Variants in DYNC1H1 observed in about 807,000 individuals in gnomAD.
The protein encoded by DYNC1H1 is cytoplasmic dynein 1 heavy chain 1.
A neutral mutation model predicts 527.1 loss-of-function variants in DYNC1H1; 51 were observed. The ratio of observed to expected loss-of-function variants is 0.10; its 90% confidence interval spans 0.08 to 0.12. The LOEUF (loss-of-function observed/expected upper bound fraction) is 0.12. Ranked by LOEUF, DYNC1H1 falls within the 10% of genes least tolerant of loss-of-function variation. The pLI, the probability that DYNC1H1 is intolerant of heterozygous loss-of-function variation, is 1.00. For missense variants in DYNC1H1, 2,771 were observed against 5,971.8 expected (o/e 0.46, Z 17.66); for synonymous variants, 2,189 against 2,278.8 (o/e 0.96, Z 1.12).
At position 101,986,607 on chromosome 14, in the gene DYNC1H1, G is replaced by A. The variant is rs746999262; in HGVS notation, c.2382G>A (p.Lys794=). Reference sequence around the variant, plus strand: ...GTACCTATGAACGGACCTGCGAGAAGGTGGAGGAGCGGAACACCATTTCCC... The same window carrying A: ...GTACCTATGAACGGACCTGCGAGAAAGTGGAGGAGCGGAACACCATTTCCC... ...SVRTYERTCE[K]VEERNTISLL... The change falls in exon 8 of 78, where the codon AAG becomes AAA. Residue 794 remains lysine, a synonymous_variant. Coordinates refer to ENST00000360184, the MANE Select transcript of DYNC1H1 (RefSeq NM_001376.5). This position sits in a 1 kb window ranked among gnomAD's most constrained non-coding sequence, Gnocchi z 8.7. 1.9e-6 allele frequency: 3 copies of A among 1,613,294 alleles called. No homozygotes were observed. The Admixed American group carries it at 5.0e-5, about 27-fold the overall frequency.
Position 102,041,829 on chromosome 14 carries a change from G to A in DYNC1H1, c.12102+95G>A. The A allele has an allele frequency of 6.3e-7, 1 of 1,589,450 alleles. No individual in the cohort carries two copies. The highest frequency in any genetic ancestry group is 8.6e-7 in the Non-Finnish European group (1 of 1,165,446). On this transcript the variant is annotated intron_variant, in intron 65 of 77. Transcript: ENST00000360184. This position sits in a 1 kb window ranked among gnomAD's most constrained non-coding sequence, Gnocchi z 4.5. ...AGCCCTGGCATCTGCTCTCACTCCG[G>A]GCTACAGTCTCCTCCTAAGACCAGG...
Position 102,039,042 on chromosome 14 carries a change from C to T in DYNC1H1, c.11248C>T (p.Leu3750=). The T allele has an allele frequency of 6.2e-7, 1 of 1,614,214 alleles. No individual in the cohort carries two copies. The highest frequency in any genetic ancestry group is 8.5e-7 in the Non-Finnish European group (1 of 1,180,042). Residue 3750 remains leucine (L), a synonymous_variant, in exon 60 of 78, where the codon CTA becomes TTA. Transcript: ENST00000360184. The surrounding 1 kb of genome is among the most constrained non-coding windows in gnomAD (Gnocchi z 7.0). ...TTTGCGTCAGCTGGAAAAATCTCTA[C>T]TACAAGCTCTGAACGAGGTGAAAGG... ...LRLRQLEKSL[L]QALNEVKGRI... is the part of the protein sequence containing the mutation.
At position 102,041,651 on chromosome 14, in the gene DYNC1H1, A is replaced by T; in HGVS notation, c.12019A>T (p.Met4007Leu). The change falls in exon 65 of 78, where the codon ATG becomes TTG. Residue 4007 changes from methionine to leucine, a missense_variant. Coordinates refer to ENST00000360184, the MANE Select transcript of DYNC1H1 (RefSeq NM_001376.5). The surrounding 1 kb of genome is among the most constrained non-coding windows in gnomAD (Gnocchi z 4.5). ...RPDRLLAMAH[M>L]FVSTNLGESF... ...CGATCGCCTGTTGGCCATGGCCCACATGTTTGTTTCAACAAACCTTGGGGA... is the reference window on the plus strand; with the variant it reads ...CGATCGCCTGTTGGCCATGGCCCACTTGTTTGTTTCAACAAACCTTGGGGA... The T allele has an allele frequency of 6.2e-7, 1 of 1,614,148 alleles. No homozygotes were observed. Among genetic ancestry groups the T allele is most frequent in the East Asian group, 2.2e-5 (1 of 44,866 alleles).
At position 102,027,887 on chromosome 14, in the gene DYNC1H1, G is replaced by A; in HGVS notation, c.9264-50G>A. 6.2e-7 allele frequency: 1 copy of A among 1,614,194 alleles called. No homozygotes were observed. The highest frequency in any genetic ancestry group is 8.5e-7 in the Non-Finnish European group (1 of 1,180,026). ...CAGGAAAGTCGGTGTCCTTCCAAGG[G>A]ACAAAGCCTGCCCCTCATAGCTGTC... On this transcript the variant is annotated intron_variant, in intron 47 of 77. Coordinates refer to ENST00000360184, the MANE Select transcript of DYNC1H1 (RefSeq NM_001376.5). The surrounding 1 kb of genome is among the most constrained non-coding windows in gnomAD (Gnocchi z 7.7).
At chr14:101,980,219 T>C in intron 4 of DYNC1H1, 145 bp from the exon 5 acceptor site, 1 of 1,201,700 alleles carries the variant, frequency 8.3e-7, no homozygotes, top group South Asian at 1.3e-5. Context: ...TACCTTTGAT[T>C]TCAAATCAAG....
intron 43 of DYNC1H1, 93 bp from the exon 44 acceptor site, chr14:102,026,481 A>C: frequency 7.3e-7 from 1 of 1,374,378 alleles, no homozygotes. Flanking sequence ...CATTTTTAAC[A>C]GTTTCTTCAT....
At chr14:102,046,749 G>A (rs11160668) in intron 72 of DYNC1H1, among the ~76,000 whole-genome samples, 54,545 of 151,972 alleles carry the variant, frequency 0.36, 12,151 homozygotes, top group Non-Finnish European at 0.5. Context: ...CCCAAACCCA[G>A]GGTCCTGAAG....
rs772591144 is a variant in DYNC1H1, at chr14:102,044,472, C to G, written c.12883C>G (p.Gln4295Glu). ...CAAGGTCGACGGACATAAAGACATT[C>G]AAATGCCAGATGGCATCAGGTATGC... Reference protein sequence around the residue: ...ACKVDGHKDIQMPDGIRREEF... With the variant: ...ACKVDGHKDIEMPDGIRREEF... Residue 4295 changes from glutamine to glutamate, a missense_variant, in exon 71 of 78, where the codon CAA (glutamine) becomes GAA (glutamate). Physicochemically the swap from Gln to Glu is conservative, Grantham distance 29. Around this residue, in one of 32 missense-constraint regions of DYNC1H1, gnomAD observed 195 missense variants for 428.6 expected, o/e 0.45. Transcript: ENST00000360184. This position sits in a 1 kb window ranked among gnomAD's most constrained non-coding sequence, Gnocchi z 7.1. The G allele has an allele frequency of 2.5e-6, 4 of 1,614,206 alleles. No homozygotes were observed. The Admixed American group carries it at 6.7e-5, about 27-fold the overall frequency.
chr14:101,998,879 C>CTTTTTTTTTTTTTTTTTTTTT (rs888317854), intron 16 of DYNC1H1, among the ~76,000 whole-genome samples: 1 of 115,220 alleles, frequency 8.7e-6, no homozygotes, highest in African/African-American at 3.8e-5. Context: ...AAAACTTTTT[C>CTTTTTTTTTTTTTTTTTTTTT]TTTTTTTTTT....
Position 101,988,689 on chromosome 14 carries a change from A to G in DYNC1H1, c.2719-14A>G. 6.2e-7 allele frequency: 1 copy of G among 1,614,140 alleles called. No individual in the cohort carries two copies. ...TAGAAGAAACACTGTTCTCTGATAT[A>G]ACGTTGTCTGTAGATTGAAAGAATA... is the stretch of plus-strand genomic sequence containing the variant. On this transcript the variant is annotated splice_polypyrimidine_tract_variant and intron_variant, in intron 9 of 77. Transcript: ENST00000360184.
Position 102,010,802 on chromosome 14 carries a change from G to A in DYNC1H1, c.6468G>A (p.Leu2156=), listed in dbSNP as rs797045531. 5 of 1,614,088 alleles carry A rather than the reference G, an allele frequency of 3.1e-6. No homozygotes were observed. The highest frequency in any genetic ancestry group is 4.2e-6 in the Non-Finnish European group (5 of 1,180,010). Residue 2156 remains leucine (L), a synonymous_variant, in exon 32 of 78, where the codon CTG becomes CTA. Coordinates refer to ENST00000360184, the MANE Select transcript of DYNC1H1 (RefSeq NM_001376.5). The surrounding 1 kb of genome is among the most constrained non-coding windows in gnomAD (Gnocchi z 6.0). ...AGCTGGTGGCAGAGGACATCCCGCT[G>A]CTCTTCAGCCTCCTGTCGGACGTGT... is the stretch of plus-strand genomic sequence containing the variant. The part of the protein sequence containing the change: ...VPKLVAEDIP[L]LFSLLSDVFP...
chr14:102,033,917 A>G lies in DYNC1H1; in HGVS notation c.10414-59A>G. On this transcript the variant is annotated intron_variant, in intron 54 of 77. Coordinates refer to ENST00000360184, the MANE Select transcript of DYNC1H1 (RefSeq NM_001376.5). The surrounding 1 kb of genome is among the most constrained non-coding windows in gnomAD (Gnocchi z 5.6). The stretch of plus-strand genomic sequence containing the variant: ...TAATGTGGATGAACCGATTTGCAGG[A>G]TTCGGTATAAATCCTGAAAGGCCTC... 6.3e-7 allele frequency: 1 copy of G among 1,583,502 alleles called. No individual in the cohort carries two copies. Among genetic ancestry groups the G allele is most frequent in the Non-Finnish European group, 8.7e-7 (1 of 1,155,668 alleles).
At position 101,994,696 on chromosome 14, in the gene DYNC1H1, A is replaced by G. The variant is rs1352920100; in HGVS notation, c.3180A>G (p.Leu1060=). 2 of 1,614,210 alleles carry G rather than the reference A, an allele frequency of 1.2e-6. No individual in the cohort carries two copies. The highest frequency in any genetic ancestry group is 2.2e-5 in the South Asian group (2 of 91,088). The change falls in exon 13 of 78, where the codon TTA becomes TTG. Residue 1060 remains leucine, a synonymous_variant. Transcript: ENST00000360184. ...YVKVWLQYQC[L]WDMQAENIYN... is the part of the protein sequence containing the mutation. ...AGGTTTGGCTTCAGTATCAGTGTTTATGGGATATGCAAGCTGAAAACATCT... is the reference window on the plus strand; with the variant it reads ...AGGTTTGGCTTCAGTATCAGTGTTTGTGGGATATGCAAGCTGAAAACATCT...
At chr14:102,019,454 T>A (rs1373074074) in intron 41 of DYNC1H1, among the ~76,000 whole-genome samples, 1 of 152,262 alleles carries the variant, frequency 6.6e-6, no homozygotes, top group African/African-American at 2.4e-5. Context: ...TTTTTCCCAG[T>A]ATTTAATTTG....
rs772048823 is a variant in DYNC1H1, at chr14:101,997,594, C to T, written c.3804+320C>T. 2.6e-5 allele frequency among the ~76,000 whole-genome samples: 4 copies of T among 152,176 alleles called. No individual in the cohort carries two copies. The highest frequency in any genetic ancestry group is 4.4e-5 in the Non-Finnish European group (3 of 68,034). On this transcript the variant is annotated intron_variant, in intron 16 of 77. Transcript: ENST00000360184. This position sits in a 1 kb window ranked among gnomAD's most constrained non-coding sequence, Gnocchi z 4.8. The stretch of plus-strand genomic sequence containing the variant: ...TAGACAAAGGCCAAGCTTTCCACTG[C>T]TGCTGCTAGTTAATTTAATTTTGGT...
intron 50 of DYNC1H1, 90 bp from the exon 51 acceptor site, chr14:102,030,072 G>T (rs781263201): frequency 6.2e-7 from 1 of 1,611,102 alleles, no homozygotes; most frequent in Admixed American, 1.7e-5. Context: ...GTGTGTGTGT[G>T]TGTGTTGGCA....
At chr14:101,984,444 TATTATA>T (rs2047907745) in intron 7 of DYNC1H1, among the ~76,000 whole-genome samples, 1 of 128,994 alleles carries the variant, frequency 7.8e-6, no homozygotes, top group Non-Finnish European at 1.6e-5. Flanking sequence ...TATATATATA[TATTATA>T]TTTTTTTTTT....
chr14:102,002,671 C>G lies in DYNC1H1; in HGVS notation c.4677C>G (p.His1559Gln). Residue 1559 changes from histidine to glutamine, a missense_variant, in exon 22 of 78, where the codon CAC (histidine) becomes CAG (glutamine). Physicochemically the swap from His to Gln is conservative, Grantham distance 24 (BLOSUM62 0). Transcript: ENST00000360184. The surrounding 1 kb of genome is among the most constrained non-coding windows in gnomAD (Gnocchi z 4.4). ...GIFTGSADIK[H>Q]LLPVETQRFQ... ...TCACAGGCAGTGCAGATATCAAGCA[C>G]CTGCTGCCAGTGGAAACCCAGCGGT... 2.5e-6 allele frequency: 4 copies of G among 1,614,246 alleles called. No individual in the cohort carries two copies. Among genetic ancestry groups the G allele is most frequent in the Non-Finnish European group, 3.4e-6 (4 of 1,180,054 alleles).
chr14:102,002,855 T>C lies in DYNC1H1; in HGVS notation c.4773T>C (p.Val1591=), dbSNP rs2048147772. 6.2e-7 allele frequency: 1 copy of C among 1,614,138 alleles called. No homozygotes were observed. The change falls in exon 23 of 78, where the codon GTT becomes GTC. Residue 1591 remains valine, a synonymous_variant. Transcript: ENST00000360184. This position sits in a 1 kb window ranked among gnomAD's most constrained non-coding sequence, Gnocchi z 4.4. Reference sequence around the variant, plus strand: ...CCAAGTCTCCCCTTGTTATGGATGTTCTGAACATCCAGGGAGTACAGAGGT... The same window carrying C: ...CCAAGTCTCCCCTTGTTATGGATGTCCTGAACATCCAGGGAGTACAGAGGT... ...KVSKSPLVMD[V]LNIQGVQRSL... is the part of the protein sequence containing the mutation.
Sources: gnomAD v4.1 joint callset for allele counts (sites outside exome capture counted in the v4.1 genomes callset) on GRCh38, gnomAD v4.1.1 for gene constraint, gnomAD v4.1.1 regional missense constraint, Gnocchi (gnomAD v3.1) non-coding constraint, MANE v1.5 for transcripts, NCBI Gene and HGNC (gene_info 2026-07-23, HGNC 2026-07-21) for gene names.